RPH3AL: variants seen among roughly 807,000 people sequenced by gnomAD.
RPH3AL encodes rab effector Noc2.
RPH3AL carries 38 observed loss-of-function variants against 43.1 expected under a neutral mutation model. That is an observed-to-expected ratio of 0.88 (90% confidence interval 0.68 to 1.15). The LOEUF is 1.15. RPH3AL is among the 50% of genes most tolerant of loss of function. The pLI, the probability that RPH3AL is intolerant of heterozygous loss-of-function variation, is 0.00. For missense variants in RPH3AL, 462 were observed against 423.2 expected, an observed-to-expected ratio of 1.09 and a Z score of -0.81; for synonymous variants, 189 against 176.3, an observed-to-expected ratio of 1.07 and a Z score of -0.57.
At chr17:268,810 C>T (rs969331302) in intron 6 of RPH3AL, among the ~76,000 whole-genome samples, 15 of 151,990 alleles carry the variant, frequency 9.9e-5, no homozygotes, top group African/African-American at 4.8e-5. Context: ...GCAATCCTCC[C>T]GCCTCAGCCT....
At chr17:335,775 C>G (rs116486669) in intron 1 of RPH3AL, 7 of 152,204 alleles carry the variant, frequency 4.6e-5, no homozygotes, top group Non-Finnish European at 1.0e-4. Context: ...GAGGAAGTAC[C>G]CCGTGGAGAG....
intron 6 of RPH3AL, among the ~76,000 whole-genome samples, chr17:256,301 CG>C (rs2042051321): frequency 2.0e-5 from 1 of 49,942 alleles, no homozygotes; most frequent in African/African-American, 4.9e-5. Flanking sequence ...GACTACCCTA[CG>C]TACTTCCTAT....
At chr17:325,114 G>C (rs944603392) in intron 3 of RPH3AL, among the ~76,000 whole-genome samples, 1 of 152,198 alleles carries the variant, frequency 6.6e-6, no homozygotes, top group Non-Finnish European at 1.5e-5. Context: ...GCCCGCCTCA[G>C]CCTCCCAAAG....
In RPH3AL at chr17:246,995, G is replaced by T; in HGVS notation, c.613+116C>A. 8.8e-7 allele frequency: 1 copy of T among 1,130,222 alleles called. No homozygotes were observed. Among genetic ancestry groups the T allele is most frequent in the Non-Finnish European group, 1.3e-6 (1 of 761,258 alleles). The allele number at this position is 1,130,222 out of a possible 1,614,324, so 70.0% of individuals were successfully genotyped here. A position where few individuals can be genotyped will look rare whatever the true frequency, so the allele number is the denominator to read the frequency against. ...GGGCACAGGGAGGGACGCATCACCA[G>T]AATGAGCCTCGTGGATGGAGGGTGC... is the stretch of plus-strand genomic sequence containing the variant. On this transcript the variant is annotated intron_variant, in intron 7 of 9. Transcript: ENST00000331302. The surrounding 1 kb of genome is among the most constrained non-coding windows in gnomAD (Gnocchi z 4.8).
intron 7 of RPH3AL, among the ~76,000 whole-genome samples, chr17:224,229 A>C (rs2041057261): frequency 7.0e-6 from 1 of 143,554 alleles, no homozygotes; most frequent in African/African-American, 2.4e-5. Context: ...AAAAGCACAG[A>C]TCCCAGCTTC....
At chr17:315,557 C>T in intron 5 of RPH3AL, among the ~76,000 whole-genome samples, 1 of 152,098 alleles carries the variant, frequency 6.6e-6, no homozygotes, top group Non-Finnish European at 1.5e-5. Flanking sequence ...GACCTGTAGT[C>T]CCTGTGCCCC....
intron 1 of RPH3AL, among the ~76,000 whole-genome samples, chr17:348,691 T>G (rs2045294683): frequency 6.6e-6 from 1 of 152,176 alleles, no homozygotes; most frequent in African/African-American, 2.4e-5. Context: ...CCCTCCCGAA[T>G]GCTTTTGTGT....
chr17:225,928 C>A lies in RPH3AL; in HGVS notation c.614-6192G>T, dbSNP rs185243456. Among the ~76,000 whole-genome samples, 1 of 152,364 alleles carries A rather than the reference C, an allele frequency of 6.6e-6. No homozygotes were observed. Among genetic ancestry groups the A allele is most frequent in the Admixed American group, 6.5e-5 (1 of 15,308 alleles). ...TGAGCTCACCCTCCATCTCCCCACT[C>A]TTCCTTGTTCTGTCATCTATCACAC... is the stretch of plus-strand genomic sequence containing the variant. On this transcript the variant is annotated intron_variant, in intron 7 of 9. Transcript: ENST00000331302. The surrounding 1 kb of genome is among the most constrained non-coding windows in gnomAD (Gnocchi z 4.4).
chr17:294,173 T>C (rs895755444), intron 5 of RPH3AL, among the ~76,000 whole-genome samples: 8 of 151,952 alleles, frequency 5.3e-5, no homozygotes, highest in Non-Finnish European at 1.0e-4. Flanking sequence ...ACGAGCCCAG[T>C]GTGAGGTGTG....
chr17:300,960 C>T lies in RPH3AL; in HGVS notation c.351+18460G>A, dbSNP rs1598047044. Among the ~76,000 whole-genome samples the T allele has an allele frequency of 2.0e-5, 3 of 152,380 alleles. 1 individual carries two copies. In the East Asian group the frequency reaches 5.8e-4, roughly 29 times the overall value. On this transcript the variant is annotated intron_variant, in intron 5 of 9. Coordinates refer to ENST00000331302, the MANE Select transcript of RPH3AL (RefSeq NM_006987.4). Reference sequence around the variant, plus strand: ...GCCTAGGCCTGCAGAATCTCTCACCCACTCTAGCAGGGGCTGGCCTCACAG... The same window carrying T: ...GCCTAGGCCTGCAGAATCTCTCACCTACTCTAGCAGGGGCTGGCCTCACAG...
chr17:251,866 T>G (rs1428670044), intron 6 of RPH3AL, among the ~76,000 whole-genome samples: 4 of 152,122 alleles, frequency 2.6e-5, no homozygotes, highest in Non-Finnish European at 5.9e-5. Context: ...GGACCCCAAA[T>G]GAAGCAGACC....
chr17:262,250 G>T (rs1448693483), intron 6 of RPH3AL, among the ~76,000 whole-genome samples: 1 of 151,860 alleles, frequency 6.6e-6, no homozygotes, highest in South Asian at 2.1e-4. Flanking sequence ...ATGGTGTCTC[G>T]CTCTGTCACC....
At chr17:335,394 A>G (rs1212118014) in intron 1 of RPH3AL, among the ~76,000 whole-genome samples, 1 of 152,058 alleles carries the variant, frequency 6.6e-6, no homozygotes, top group Non-Finnish European at 1.5e-5. Flanking sequence ...GAGAGGGCTC[A>G]AGTGCATTTT....
intron 6 of RPH3AL, 110 bp downstream of exon 6, chr17:281,658 T>C: frequency 1.6e-6 from 1 of 644,158 alleles, no homozygotes; most frequent in Non-Finnish European, 2.8e-6. Context: ...TCTGAGAGCG[T>C]ATCCAGCCCG....
intron 5 of RPH3AL, among the ~76,000 whole-genome samples, chr17:314,640 A>T (rs2043825217): frequency 5.0e-5 from 6 of 120,672 alleles, no homozygotes; most frequent in South Asian, 2.5e-4. Context: ...ATTGACCTGT[A>T]GTCCCTGTGA....
Position 239,826 on chromosome 17 carries a change from C to T in RPH3AL, c.613+7285G>A, listed in dbSNP as rs964249253. Reference sequence around the variant, plus strand: ...AAATTTATTTGTAGAGACAGTGTCTCGTTACGTTGCCCAGGCTAGTCTTGA... The same window carrying T: ...AAATTTATTTGTAGAGACAGTGTCTTGTTACGTTGCCCAGGCTAGTCTTGA... On this transcript the variant is annotated intron_variant, in intron 7 of 9. Coordinates refer to ENST00000331302, the MANE Select transcript of RPH3AL (RefSeq NM_006987.4). Among the ~76,000 whole-genome samples, 36 of 152,172 alleles carry T rather than the reference C, an allele frequency of 2.4e-4. 1 individual carries two copies. The highest frequency in any genetic ancestry group is 9.7e-5 in the African/African-American group (4 of 41,448).
chr17:284,395 G>A (rs1015037290), intron 5 of RPH3AL, among the ~76,000 whole-genome samples: 1 of 152,170 alleles, frequency 6.6e-6, no homozygotes, highest in East Asian at 1.9e-4. Flanking sequence ...TGGTGCGCAC[G>A]GCTCTCTAGA....
chr17:286,073 TG>T (rs907201205), intron 5 of RPH3AL, among the ~76,000 whole-genome samples: 1 of 151,860 alleles, frequency 6.6e-6, no homozygotes, highest in Admixed American at 6.6e-5. Flanking sequence ...GGCTGCCCTG[TG>T]GGGGGGTTTG....
intron 1 of RPH3AL, chr17:341,304 T>A (rs1355078525): frequency 1.3e-5 from 2 of 152,084 alleles, no homozygotes; most frequent in African/African-American, 4.8e-5. Flanking sequence ...CATATGGTAC[T>A]GAAAACTGTG....
Sources: allele counts gnomAD v4.1 joint callset (sites outside exome capture counted in the v4.1 genomes callset), GRCh38; gene constraint gnomAD v4.1.1; non-coding constraint Gnocchi (gnomAD v3.1); transcripts MANE v1.5; gene names NCBI Gene and HGNC (gene_info 2026-07-23, HGNC 2026-07-21).